Variants in SPTAN1 observed in about 807,000 individuals in gnomAD.
SPTAN1 encodes the protein spectrin alpha chain, non-erythrocytic 1.
SPTAN1 carries 61 observed loss-of-function variants against 331.3 expected under a neutral mutation model. That is an observed-to-expected ratio of 0.18 (90% confidence interval 0.15 to 0.23). The LOEUF is 0.23. Among genes scored for constraint, SPTAN1 ranks in the 10% least tolerant of loss-of-function variants. The pLI is 1.00. For missense variants in SPTAN1, 2,043 were observed against 3,147.9 expected (o/e 0.65, Z 8.40); for synonymous variants, 1,153 against 1,173.9 (o/e 0.98, Z 0.36).
chr9:128,628,306 C>T (rs541002273), intron 51 of SPTAN1: 386 of 408,172 alleles, frequency 9.5e-4, no homozygotes, highest in Non-Finnish European at 1.7e-3. Context: ...ACCTCTGCTT[C>T]CCCAGCGAGT....
chr9:128,567,131 G>A (rs996380643), intron 2 of SPTAN1, among the ~76,000 whole-genome samples, 154 bp downstream of exon 2: 4 of 152,206 alleles, frequency 2.6e-5, no homozygotes, highest in African/African-American at 9.7e-5. Flanking sequence ...TCCTGTATTA[G>A]TGAGGGTGAA....
At chr9:128,600,375 A>G (rs769062571) in intron 27 of SPTAN1, among the ~76,000 whole-genome samples, 21 of 152,200 alleles carry the variant, frequency 1.4e-4, no homozygotes, top group Admixed American at 2.6e-4. Context: ...AGCAGGGAGC[A>G]CTGTTGTTGG....
At position 128,633,206 on chromosome 9, in the gene SPTAN1, C is replaced by A. The variant is rs777355476; in HGVS notation, c.7309-3C>A. ...GCACCAGGTGCCATCTCTTACCCCA[C>A]AGAACCTGACCCGGGAACAAGCCGA... On this transcript the variant is annotated splice_polypyrimidine_tract_variant and splice_region_variant and intron_variant, in intron 56 of 56. Coordinates refer to ENST00000372739, the MANE Select transcript of SPTAN1 (RefSeq NM_001130438.3). The A allele has an allele frequency of 5.0e-6, 8 of 1,613,930 alleles. No homozygotes were observed. In the African/African-American group the frequency reaches 9.3e-5, roughly 19 times the overall value.
chr9:128,577,568 A>G lies in SPTAN1; in HGVS notation c.1085+62A>G. 1 of 1,603,964 alleles carries G rather than the reference A, an allele frequency of 6.2e-7. No homozygotes were observed. Among genetic ancestry groups the G allele is most frequent in the Non-Finnish European group, 8.5e-7 (1 of 1,174,102 alleles). On this transcript the variant is annotated intron_variant, in intron 8 of 56. Coordinates refer to ENST00000372739, the MANE Select transcript of SPTAN1 (RefSeq NM_001130438.3). This position sits in a 1 kb window ranked among gnomAD's most constrained non-coding sequence, Gnocchi z 4.2. ...TGGCTTCTTTTTTGGAAGCAGGAAT[A>G]GCAGAGTTAAGGGTCTGTTCTGTGT...
chr9:128,630,537 TTTTC>T (rs550041757), intron 52 of SPTAN1, 162 bp downstream of exon 52: 101 of 651,166 alleles, frequency 1.6e-4, no homozygotes, highest in East Asian at 4.2e-4. Context: ...TCTCTCTCTC[TTTTC>T]TTTCTTTCTT....
At chr9:128,630,066 T>C in intron 51 of SPTAN1, 1 of 660,858 alleles carries the variant, frequency 1.5e-6, no homozygotes. Context: ...ATCCTGGCCT[T>C]GGGAGCAAGA....
At position 128,625,005 on chromosome 9, in the gene SPTAN1, CTG is replaced by C. The variant is rs1426959986; in HGVS notation, c.5993-96_5993-95del. On this transcript the variant is annotated intron_variant, in intron 46 of 56. Coordinates refer to ENST00000372739, the MANE Select transcript of SPTAN1 (RefSeq NM_001130438.3). This position sits in a 1 kb window ranked among gnomAD's most constrained non-coding sequence, Gnocchi z 4.1. ...TGTAGTTAGGAAGATTGGGATTTAT[CTG>C]TACACAAAAAATGGTTTGTCTGGGT... 4.3e-6 allele frequency: 5 copies of C among 1,150,410 alleles called. No homozygotes were observed. Among genetic ancestry groups the C allele is most frequent in the Non-Finnish European group, 6.6e-6 (5 of 763,086 alleles). 71.3% of individuals were successfully genotyped at this position (1,150,410 alleles called of 1,614,324 possible).
intron 51 of SPTAN1, chr9:128,628,453 A>G: frequency 2.9e-6 from 1 of 342,306 alleles, no homozygotes. Context: ...TCCTGGGGTC[A>G]GGGAGGGTAA....
chr9:128,581,946 CTT>C (rs1851998841), intron 12 of SPTAN1, 54 bp downstream of exon 12: 1 of 1,310,462 alleles, frequency 7.6e-7, no homozygotes, highest in African/African-American at 1.4e-5. Context: ...AAGCCAGAGT[CTT>C]TTTCCCTGGA....
intron 48 of SPTAN1, 186 bp from the exon 49 acceptor site, chr9:128,626,204 TA>T: frequency 1.1e-6 from 1 of 929,596 alleles, no homozygotes; most frequent in Non-Finnish European, 1.7e-6. Context: ...GGGCAAAGGG[TA>T]GGAAGGGGAA....
At chr9:128,604,965 T>G in intron 29 of SPTAN1, 69 bp from the exon 30 acceptor site, 5 of 1,475,704 alleles carry the variant, frequency 3.4e-6, no homozygotes, top group Non-Finnish European at 4.6e-6. Context: ...TAAATAAATT[T>G]TTTTTAGTGT....
chr9:128,594,266 C>G lies in SPTAN1; in HGVS notation c.3307C>G (p.Leu1103Val), dbSNP rs755104724. The G allele has an allele frequency of 1.9e-6, 3 of 1,614,064 alleles. No homozygotes were observed. Among genetic ancestry groups the G allele is most frequent in the Non-Finnish European group, 2.5e-6 (3 of 1,180,032 alleles). Residue 1103 changes from leucine (L) to valine (V), a missense_variant, in exon 24 of 57, where the codon CTA (leucine) becomes GTA (valine). By Grantham distance (32) the Leu-to-Val change is conservative (BLOSUM62 1). This residue lies in a region of SPTAN1 where 1,038 missense variants were observed against 1,531.5 expected (regional missense o/e 0.68). Coordinates refer to ENST00000372739, the MANE Select transcript of SPTAN1 (RefSeq NM_001130438.3). The part of the protein sequence containing the change: ...KFMLFREANE[L>V]QQWINEKEAA... ...TATGTTGTTCCGTGAAGCGAATGAA[C>G]TACAGCAATGGATCAATGAGAAGGA...
intron 12 of SPTAN1, 76 bp downstream of exon 12, chr9:128,581,968 A>C: frequency 9.0e-7 from 1 of 1,113,032 alleles, no homozygotes; most frequent in Non-Finnish European, 1.4e-6. Flanking sequence ...AAGGATTCCA[A>C]ACAGATTTGA....
intron 3 of SPTAN1, among the ~76,000 whole-genome samples, chr9:128,571,308 G>A (rs974221346): frequency 2.0e-5 from 3 of 149,838 alleles, no homozygotes; most frequent in Non-Finnish European, 4.4e-5. Context: ...AAAAAGGCCA[G>A]GCACAGTGGC....
chr9:128,567,817 A>G (rs921891116), intron 2 of SPTAN1, among the ~76,000 whole-genome samples: 6 of 151,776 alleles, frequency 4.0e-5, no homozygotes, highest in African/African-American at 9.7e-5. Context: ...TTGGAGTGCA[A>G]TGGTGCAATC....
intron 1 of SPTAN1, chr9:128,555,354 A>G (rs773657969): frequency 3.1e-6 from 4 of 1,289,376 alleles, no homozygotes; most frequent in South Asian, 2.5e-5. Flanking sequence ...TTTAGACTCC[A>G]CATTCCTCCA....
intron 18 of SPTAN1, among the ~76,000 whole-genome samples, 179 bp downstream of exon 18, chr9:128,585,022 T>G (rs1852406385): frequency 6.6e-6 from 1 of 151,032 alleles, no homozygotes. Context: ...TTTCTTTTTT[T>G]TTTTTTTTTT....
chr9:128,566,546 A>T (rs1460945760), intron 1 of SPTAN1, among the ~76,000 whole-genome samples, 192 bp from the exon 2 acceptor site: 1 of 152,150 alleles, frequency 6.6e-6, no homozygotes, highest in East Asian at 1.9e-4. Context: ...TAGGTGTTGC[A>T]GGGGAATGGA....
At chr9:128,629,000 A>G in intron 51 of SPTAN1, 1 of 394,352 alleles carries the variant, frequency 2.5e-6, no homozygotes, top group Non-Finnish European at 4.5e-6. Flanking sequence ...GCCTCCAGGT[A>G]CCCGCCGGGC....
Sources: allele counts gnomAD v4.1 joint callset (sites outside exome capture counted in the v4.1 genomes callset), GRCh38; gene constraint gnomAD v4.1.1; regional missense constraint gnomAD v4.1.1; non-coding constraint Gnocchi (gnomAD v3.1); transcripts MANE v1.5; gene names NCBI Gene and HGNC (gene_info 2026-07-23, HGNC 2026-07-21).